FOXP2: variants seen among roughly 807,000 people sequenced by gnomAD.
The protein encoded by FOXP2 is forkhead box P2.
A neutral mutation model predicts 115.8 loss-of-function variants in FOXP2; 12 were observed. That is an observed-to-expected ratio of 0.10 (90% CI 0.07 to 0.17). The LOEUF (loss-of-function observed/expected upper bound fraction) is 0.17. FOXP2 is among the 10% of genes least tolerant of loss of function. FOXP2 has a pLI of 1.00. For missense variants in FOXP2, 629 were observed against 843.5 expected, an observed-to-expected ratio of 0.75 and a Z score of 3.15; for synonymous variants, 328 against 297.7, an observed-to-expected ratio of 1.10 and a Z score of -1.05.
At chr7:114,506,576 T>C (rs1030822749) in intron 2 of FOXP2, among the ~76,000 whole-genome samples, 3 of 151,668 alleles carry the variant, frequency 2.0e-5, no homozygotes, top group Non-Finnish European at 4.4e-5. Flanking sequence ...GAGATATATA[T>C]ATATACATAT....
At chr7:114,620,738 G>C (rs187617467) in intron 3 of FOXP2, among the ~76,000 whole-genome samples, 5 of 152,092 alleles carry the variant, frequency 3.3e-5, no homozygotes, top group Non-Finnish European at 1.5e-5. Flanking sequence ...AAAGGACTCT[G>C]CATAGTTTTA....
intron 1 of FOXP2, among the ~76,000 whole-genome samples, chr7:114,137,751 C>G (rs1416890756): frequency 6.6e-6 from 1 of 151,956 alleles, no homozygotes; most frequent in African/African-American, 2.4e-5. Flanking sequence ...AAAGCCCATG[C>G]AATAATATAT....
At chr7:114,482,591 C>A (rs539948137) in intron 2 of FOXP2, among the ~76,000 whole-genome samples, 5 of 151,674 alleles carry the variant, frequency 3.3e-5, no homozygotes, top group Non-Finnish European at 5.9e-5. Flanking sequence ...TCATTTCCAT[C>A]TTTTGGAAAA....
intron 1 of FOXP2, among the ~76,000 whole-genome samples, chr7:114,108,637 AC>A (rs1791184992): frequency 6.6e-6 from 1 of 151,916 alleles, no homozygotes; most frequent in Non-Finnish European, 1.5e-5. Context: ...GTTTAAGATA[AC>A]CTTTTTACAT....
intron 3 of FOXP2, among the ~76,000 whole-genome samples, chr7:114,569,764 G>A (rs1454924475): frequency 2.0e-5 from 3 of 151,836 alleles, no homozygotes; most frequent in African/African-American, 7.2e-5. Flanking sequence ...TTATCTTCAA[G>A]AAAATGGCAT....
At chr7:114,585,943 T>C (rs1289650125) in intron 3 of FOXP2, among the ~76,000 whole-genome samples, 1 of 152,182 alleles carries the variant, frequency 6.6e-6, no homozygotes, top group Non-Finnish European at 1.5e-5. Flanking sequence ...AACACGATTT[T>C]ATGATTGTGT....
At chr7:114,491,019 C>T (rs1378638822) in intron 2 of FOXP2, among the ~76,000 whole-genome samples, 1 of 152,034 alleles carries the variant, frequency 6.6e-6, no homozygotes, top group African/African-American at 2.4e-5. Context: ...GGGTATATAC[C>T]CAGTAATGGG....
chr7:114,255,541 A>G (rs762138564), intron 1 of FOXP2, among the ~76,000 whole-genome samples: 10 of 152,160 alleles, frequency 6.6e-5, no homozygotes, highest in Non-Finnish European at 7.4e-5. Flanking sequence ...TTGATCTCAG[A>G]CTGCTGTGCT....
At chr7:114,590,103 T>A (rs1342761757) in intron 3 of FOXP2, among the ~76,000 whole-genome samples, 1 of 152,164 alleles carries the variant, frequency 6.6e-6, no homozygotes, top group African/African-American at 2.4e-5. Context: ...CATACACTGA[T>A]GCCACATTCC....
At chr7:114,362,208 T>G (rs570949348) in intron 2 of FOXP2, among the ~76,000 whole-genome samples, 3 of 152,104 alleles carry the variant, frequency 2.0e-5, no homozygotes, top group East Asian at 3.9e-4. Flanking sequence ...ACAGCAAACG[T>G]AAGACTGATG....
intron 1 of FOXP2, among the ~76,000 whole-genome samples, chr7:114,137,122 C>A (rs1053616891): frequency 1.3e-5 from 2 of 152,006 alleles, no homozygotes; most frequent in Non-Finnish European, 2.9e-5. Flanking sequence ...TTATTTTGAA[C>A]TCTTCTACTG....
chr7:114,134,523 C>T (rs968378960), intron 1 of FOXP2, among the ~76,000 whole-genome samples: 5 of 151,784 alleles, frequency 3.3e-5, no homozygotes, highest in Admixed American at 6.6e-5. Context: ...ACCATCCCGG[C>T]TAAAACGGTG....
Position 114,204,872 on chromosome 7 carries a change from A to G in FOXP2, c.-102+41784A>G, listed in dbSNP as rs150601945. Among the ~76,000 whole-genome samples the G allele has an allele frequency of 2.8e-4, 43 of 151,654 alleles. 2 individuals carry two copies. In the East Asian group the frequency reaches 8.4e-3, roughly 30 times the overall value. The stretch of plus-strand genomic sequence containing the variant: ...GTACCTAAATAATCCTCGAAGTATT[A>G]TATGTCTTGAATAACTAAGAGTTGG... On this transcript the variant is annotated intron_variant, in intron 1 of 17. Coordinates refer to the FOXP2 transcript ENST00000634411.
chr7:114,378,765 T>C (rs2129191184), intron 2 of FOXP2, among the ~76,000 whole-genome samples: 1 of 147,340 alleles, frequency 6.8e-6, no homozygotes, highest in East Asian at 2.0e-4. Context: ...TGCTGTCTGG[T>C]ACCTACAAGA....
intron 2 of FOXP2, among the ~76,000 whole-genome samples, chr7:114,509,323 C>A (rs928165683): frequency 6.6e-6 from 1 of 151,768 alleles, no homozygotes; most frequent in South Asian, 2.1e-4. Context: ...GCTCTTGTTG[C>A]CCAGGCTGGA....
At chr7:114,601,913 A>G (rs1457999024) in intron 3 of FOXP2, among the ~76,000 whole-genome samples, 1 of 152,068 alleles carries the variant, frequency 6.6e-6, no homozygotes, top group African/African-American at 2.4e-5. Context: ...AAAAAAGTAT[A>G]TATTTGCCAT....
At chr7:114,354,055 T>C (rs907279765) in intron 2 of FOXP2, among the ~76,000 whole-genome samples, 2 of 152,150 alleles carry the variant, frequency 1.3e-5, no homozygotes, top group Non-Finnish European at 2.9e-5. Flanking sequence ...AAAGAAGATC[T>C]ATACTCACCA....
chr7:114,409,232 T>C (rs1005041138), intron 2 of FOXP2, among the ~76,000 whole-genome samples: 2 of 152,134 alleles, frequency 1.3e-5, no homozygotes, highest in African/African-American at 4.8e-5. Context: ...AATTTCTCAT[T>C]TGAAATCTGT....
chr7:114,570,899 A>G (rs1164526214), intron 3 of FOXP2: 6 of 1,609,468 alleles, frequency 3.7e-6, no homozygotes, highest in Non-Finnish European at 5.1e-6. Context: ...ACACTGGGCA[A>G]TTAGAAATTC....
Sources: gnomAD v4.1 joint callset for allele counts (sites outside exome capture counted in the v4.1 genomes callset) on GRCh38, gnomAD v4.1.1 for gene constraint, MANE v1.5 for transcripts, NCBI Gene and HGNC (gene_info 2026-07-23, HGNC 2026-07-21) for gene names.